FAM184A: variants seen among roughly 807,000 people sequenced by gnomAD.
FAM184A encodes protein FAM184A.
In FAM184A, 99 loss-of-function variants were observed where a neutral mutation model predicts 143.8. The ratio of observed to expected loss-of-function variants is 0.69; its 90% confidence interval spans 0.58 to 0.81. The LOEUF is 0.81. Among genes scored for constraint, FAM184A ranks in the 40% least tolerant of loss-of-function variants. The pLI is 0.00. For synonymous variants in FAM184A, 427 were observed against 446.4 expected (o/e 0.96, Z 0.55); for missense variants, 1,217 against 1,310.5 (o/e 0.93, Z 1.10).
chr6:119,100,916 G>T (rs575729537), intron 1 of FAM184A, among the ~76,000 whole-genome samples: 4 of 151,070 alleles, frequency 2.6e-5, no homozygotes, highest in Non-Finnish European at 5.9e-5. Context: ...CTGAGATCAC[G>T]CCACTGCACT....
intron 1 of FAM184A, among the ~76,000 whole-genome samples, chr6:119,133,786 G>A (rs1789595131): frequency 6.6e-6 from 1 of 151,902 alleles, no homozygotes; most frequent in Non-Finnish European, 1.5e-5. Context: ...GTACACAGGT[G>A]CATACCACCA....
chr6:119,142,516 A>C (rs908394208), intron 1 of FAM184A, among the ~76,000 whole-genome samples: 14 of 152,246 alleles, frequency 9.2e-5, no homozygotes, highest in African/African-American at 3.4e-4. Flanking sequence ...ATGCAGACCC[A>C]GTTGGAACTA....
intron 17 of FAM184A, 48 bp from the exon 18 acceptor site, chr6:118,960,232 G>A (rs371599160): frequency 8.0e-5 from 120 of 1,507,046 alleles, no homozygotes; most frequent in Non-Finnish European, 1.1e-4. Context: ...AAGTCATTTT[G>A]CAAAATGAAG....
chr6:119,069,588 AG>A (rs1191860284), intron 1 of FAM184A, among the ~76,000 whole-genome samples: 2 of 152,162 alleles, frequency 1.3e-5, no homozygotes, highest in Non-Finnish European at 2.9e-5. Context: ...GACAAGTAAA[AG>A]GGCAAGTAAC....
chr6:119,067,928 C>T (rs1167480027), intron 1 of FAM184A, among the ~76,000 whole-genome samples: 2 of 152,014 alleles, frequency 1.3e-5, no homozygotes, highest in Non-Finnish European at 2.9e-5. Context: ...GCTATGATGG[C>T]ACCCCTGCAC....
At position 118,980,499 on chromosome 6, in the gene FAM184A, T is replaced by C. The variant is rs188745355; in HGVS notation, c.2089-149A>G. 5.7e-5 allele frequency: 35 copies of C among 614,896 alleles called. No individual in the cohort carries two copies. The African/African-American group carries it at 6.1e-4, about 11-fold the overall frequency. The allele number at this position is 614,896 out of a possible 1,614,324, so 38.1% of individuals were successfully genotyped here. A position where few individuals can be genotyped will look rare whatever the true frequency, so the allele number is the denominator to read the frequency against. On this transcript the variant is annotated intron_variant, in intron 9 of 17. Coordinates refer to ENST00000338891, the MANE Select transcript of FAM184A (RefSeq NM_024581.6). Reference sequence around the variant, plus strand: ...ATTTAAAATATTCTAAAATATATCATAAAAATAACCATTTAATATCACCAT... The same window carrying C: ...ATTTAAAATATTCTAAAATATATCACAAAAATAACCATTTAATATCACCAT...
intron 7 of FAM184A, among the ~76,000 whole-genome samples, 165 bp from the exon 8 acceptor site, chr6:119,003,787 A>T (rs1156981104): frequency 3.9e-5 from 6 of 152,238 alleles, no homozygotes; most frequent in African/African-American, 1.4e-4. Context: ...TCTGAAAATA[A>T]AATATGTAAA....
chr6:118,970,008 A>ATATATATATATTTTTTTTTTTTTTTT, intron 14 of FAM184A, among the ~76,000 whole-genome samples: 1 of 19,046 alleles, frequency 5.3e-5, no homozygotes, highest in African/African-American at 1.5e-4. Flanking sequence ...ATATATATAT[A>ATATATATATATTTTTTTTTTTTTTTT]TTTTTTTTTT....
chr6:118,963,131 G>C (rs562008236), intron 16 of FAM184A: 1 of 152,148 alleles, frequency 6.6e-6, no homozygotes, highest in Non-Finnish European at 1.5e-5. Flanking sequence ...GGAGTCAAAA[G>C]TAGTTTGAAA....
intron 1 of FAM184A, among the ~76,000 whole-genome samples, chr6:119,072,600 T>C (rs1267885824): frequency 6.6e-6 from 1 of 152,240 alleles, no homozygotes; most frequent in Non-Finnish European, 1.5e-5. Context: ...ATAAACACAT[T>C]CTGGTTTTGG....
At chr6:118,992,921 C>T (rs1386488028) in intron 9 of FAM184A, among the ~76,000 whole-genome samples, 2 of 152,088 alleles carry the variant, frequency 1.3e-5, no homozygotes, top group African/African-American at 2.4e-5. Context: ...CACAGCAAGA[C>T]CCTATCTCAA....
chr6:119,137,803 G>A (rs1562165387), intron 1 of FAM184A, among the ~76,000 whole-genome samples: 1 of 152,180 alleles, frequency 6.6e-6, no homozygotes, highest in Non-Finnish European at 1.5e-5. Context: ...CCCTGTCTCC[G>A]ATGTCTACGT....
At chr6:118,975,381 A>G (rs1243886641) in intron 12 of FAM184A, among the ~76,000 whole-genome samples, 173 bp from the exon 13 acceptor site, 1 of 152,210 alleles carries the variant, frequency 6.6e-6, no homozygotes. Flanking sequence ...CTTTCCACAC[A>G]TATAGTGTGT....
Position 118,961,842 on chromosome 6 carries a change from G to A in FAM184A, c.3260C>T (p.Ser1087Phe), listed in dbSNP as rs1783336013. Residue 1087 changes from serine to phenylalanine, a missense_variant, in exon 17 of 18, where the codon TCT (serine) becomes TTT (phenylalanine). Transcript: ENST00000338891. Reference protein sequence around the residue: ...HPNRLDPIPNSPVHDIEFNSS... With the variant: ...HPNRLDPIPNFPVHDIEFNSS... ...GTTGAACTCAATATCGTGGACTGGA[G>A]AATTAGGAATGGGATCCAGGCGGTT... is the stretch of plus-strand genomic sequence containing the variant. 4 of 1,613,954 alleles carry A rather than the reference G, an allele frequency of 2.5e-6. No individual in the cohort carries two copies. The highest frequency in any genetic ancestry group is 1.1e-5 in the South Asian group (1 of 91,068).
chr6:119,144,094 G>T lies in FAM184A; in HGVS notation c.-202+4984C>A, dbSNP rs569808998. Reference sequence around the variant, plus strand: ...TGTAATCCCAGCACTTTGGGAGGCCGAGGCGGGTGGATCACGAGGTCAGAA... The same window carrying T: ...TGTAATCCCAGCACTTTGGGAGGCCTAGGCGGGTGGATCACGAGGTCAGAA... On this transcript the variant is annotated intron_variant, in intron 1 of 16. Coordinates refer to the FAM184A transcript ENST00000352896. 3.3e-5 allele frequency among the ~76,000 whole-genome samples: 5 copies of T among 151,962 alleles called. No homozygotes were observed. The South Asian group carries it at 1.0e-3, about 32-fold the overall frequency.
intron 1 of FAM184A, among the ~76,000 whole-genome samples, chr6:119,106,242 AT>A (rs10718275): frequency 0.64 from 96,354 of 151,590 alleles, 31,295 homozygotes; most frequent in East Asian, 0.96. Context: ...AATACAAAAA[AT>A]TAGCCGGGCG....
At chr6:119,123,937 T>C (rs1789292415) in intron 1 of FAM184A, among the ~76,000 whole-genome samples, 1 of 152,198 alleles carries the variant, frequency 6.6e-6, no homozygotes, top group Non-Finnish European at 1.5e-5. Flanking sequence ...AAAATGCAAG[T>C]TTAGATACAT....
In FAM184A at chr6:119,107,867, T is replaced by C. The variant is rs1381771723; in HGVS notation, c.-202+41211A>G. On this transcript the variant is annotated intron_variant, in intron 1 of 16. Transcript: ENST00000352896. ...AGCCAGAGTTATTGTCAGTTCATTG[T>C]TGGAGATGCTGTTGCTGGGCAAGTG... Among the ~76,000 whole-genome samples, 3 of 152,148 alleles carry C rather than the reference T, an allele frequency of 2.0e-5. No individual in the cohort carries two copies. The East Asian group carries it at 5.8e-4, about 29-fold the overall frequency.
At chr6:118,990,054 C>G (rs1784326715) in intron 9 of FAM184A, among the ~76,000 whole-genome samples, 1 of 152,156 alleles carries the variant, frequency 6.6e-6, no homozygotes, top group South Asian at 2.1e-4. Flanking sequence ...GTCTCATCTT[C>G]TGACCTCGTG....
Sources: gnomAD v4.1 joint callset for allele counts (sites outside exome capture counted in the v4.1 genomes callset) on GRCh38, gnomAD v4.1.1 for gene constraint, MANE v1.5 for transcripts, NCBI Gene and HGNC (gene_info 2026-07-23, HGNC 2026-07-21) for gene names.